The following KLF12 variants were observed in gnomAD, a reference collection of about 807,000 sequenced individuals.
KLF12 encodes the protein KLF transcription factor 12.
KLF12 carries 9 observed loss-of-function variants against 37.8 expected under a neutral mutation model. The ratio of observed to expected loss-of-function variants is 0.24; its 90% confidence interval spans 0.14 to 0.42. The LOEUF (loss-of-function observed/expected upper bound fraction) is 0.42, where lower values mean the gene tolerates loss of function less well. Among genes scored for constraint, KLF12 ranks in the 10% least tolerant of loss-of-function variants. The pLI is 1.00. For synonymous variants in KLF12, 208 were observed against 202.1 expected (o/e 1.03, Z -0.25); for missense variants, 411 against 516.0 (o/e 0.80, Z 1.97).
At chr13:74,241,568 T>G in the KLF12 span, among the ~76,000 whole-genome samples, 3 of 152,218 alleles carry the variant, frequency 2.0e-5, no homozygotes, top group Admixed American at 6.5e-5. Context: ...GCCTTGCAGT[T>G]TGATCTCAGA....
intron 6 of KLF12, among the ~76,000 whole-genome samples, chr13:73,738,097 A>ATT (rs1877616068): frequency 1.2e-5 from 1 of 81,222 alleles, no homozygotes; most frequent in Non-Finnish European, 2.5e-5. Flanking sequence ...GTGTACATAT[A>ATT]TATATATATA....
intron 3 of KLF12, among the ~76,000 whole-genome samples, chr13:73,943,540 G>A (rs767281647): frequency 4.6e-5 from 7 of 152,160 alleles, no homozygotes; most frequent in Non-Finnish European, 7.3e-5. Flanking sequence ...GTAAGAAAGG[G>A]CAAGTACAAA....
At chr13:73,776,185 T>C (rs1275305121) in intron 5 of KLF12, among the ~76,000 whole-genome samples, 1 of 152,182 alleles carries the variant, frequency 6.6e-6, no homozygotes, top group Non-Finnish European at 1.5e-5. Flanking sequence ...AGTCTCAGTT[T>C]GTTTTTCTTT....
the KLF12 span, among the ~76,000 whole-genome samples, chr13:74,220,959 A>G: frequency 6.6e-6 from 1 of 151,030 alleles, no homozygotes; most frequent in Admixed American, 6.6e-5. Flanking sequence ...CTAGCCTGCC[A>G]TTTATGAAAA....
chr13:73,977,745 G>A (rs1891571931), intron 2 of KLF12, among the ~76,000 whole-genome samples: 1 of 152,184 alleles, frequency 6.6e-6, no homozygotes, highest in Non-Finnish European at 1.5e-5. Flanking sequence ...TAATAATCAG[G>A]ACAGTCTGGT....
intron 1 of KLF12, among the ~76,000 whole-genome samples, chr13:74,033,823 G>C (rs545427735): frequency 6.6e-6 from 1 of 151,966 alleles, no homozygotes; most frequent in African/African-American, 2.4e-5. Context: ...CTGGGTCATA[G>C]GGTAATCAGA....
At chr13:74,005,507 G>A (rs2138334322) in intron 1 of KLF12, among the ~76,000 whole-genome samples, 1 of 152,308 alleles carries the variant, frequency 6.6e-6, no homozygotes, top group South Asian at 2.1e-4. Flanking sequence ...TCAAATCTGT[G>A]AACAGTAGGC....
At chr13:73,723,572 C>T (rs75049912) in intron 6 of KLF12, among the ~76,000 whole-genome samples, 11,149 of 152,076 alleles carry the variant, frequency 0.073, 703 homozygotes, top group African/African-American at 0.17. Flanking sequence ...TAAGCCCTGC[C>T]CTCCTCATTC....
chr13:73,814,100 G>A (rs1352083039), intron 4 of KLF12, among the ~76,000 whole-genome samples: 1 of 152,166 alleles, frequency 6.6e-6, no homozygotes, highest in African/African-American at 2.4e-5. Context: ...CCTTCTCCCT[G>A]TGAAGAGATT....
upstream of KLF12, among the ~76,000 whole-genome samples, chr13:74,136,955 G>A (rs935026517): frequency 6.6e-6 from 1 of 152,160 alleles, no homozygotes; most frequent in Non-Finnish European, 1.5e-5. Flanking sequence ...CTTGGGGTGC[G>A]TGTAAAAGAG....
chr13:73,908,175 G>C (rs1037988346), intron 3 of KLF12, among the ~76,000 whole-genome samples: 7 of 151,986 alleles, frequency 4.6e-5, no homozygotes, highest in Non-Finnish European at 7.4e-5. Context: ...GGCCGAGGTG[G>C]GTGGATCACG....
At chr13:73,963,914 A>C (rs1294274395) in intron 2 of KLF12, among the ~76,000 whole-genome samples, 2 of 152,242 alleles carry the variant, frequency 1.3e-5, no homozygotes, top group Non-Finnish European at 2.9e-5. Context: ...AAGAACTGGC[A>C]AAAAGATTGT....
chr13:74,008,080 T>C (rs539845232), intron 1 of KLF12, among the ~76,000 whole-genome samples: 1 of 152,336 alleles, frequency 6.6e-6, no homozygotes, highest in East Asian at 1.9e-4. Context: ...TGTTTTAATA[T>C]TTTATCTGGG....
chr13:73,771,739 T>C (rs1024335743), intron 5 of KLF12, among the ~76,000 whole-genome samples: 4 of 152,174 alleles, frequency 2.6e-5, no homozygotes, highest in South Asian at 4.1e-4. Context: ...CAAAATAAGA[T>C]AGGAAAATTA....
the KLF12 span, among the ~76,000 whole-genome samples, chr13:74,155,971 G>A: frequency 2.9e-4 from 44 of 152,082 alleles, no homozygotes; most frequent in African/African-American, 1.0e-3. Flanking sequence ...CAGTGTTTCC[G>A]CATGGCCTGT....
At chr13:74,251,116 G>T in the KLF12 span, among the ~76,000 whole-genome samples, 1 of 152,162 alleles carries the variant, frequency 6.6e-6, no homozygotes, top group East Asian at 1.9e-4. Context: ...TATGAATCTC[G>T]TGAACTCATT....
intron 5 of KLF12, among the ~76,000 whole-genome samples, chr13:73,811,012 G>A (rs548702995): frequency 7.4e-4 from 27 of 36,314 alleles, no homozygotes; most frequent in African/African-American, 1.9e-3. Context: ...TTTTTTAGGA[G>A]TCTCACTCTG....
chr13:73,760,106 G>A (rs1356160346), intron 6 of KLF12, among the ~76,000 whole-genome samples: 1 of 151,978 alleles, frequency 6.6e-6, no homozygotes, highest in African/African-American at 2.4e-5. Context: ...TTGTGACACA[G>A]AACTTTTTCA....
At chr13:74,244,906 G>T in the KLF12 span, among the ~76,000 whole-genome samples, 1 of 152,164 alleles carries the variant, frequency 6.6e-6, no homozygotes, top group Non-Finnish European at 1.5e-5. Flanking sequence ...GGGAACCACT[G>T]GTGGATTTTA....
Sources: allele counts gnomAD v4.1 joint callset (sites outside exome capture counted in the v4.1 genomes callset), GRCh38; gene constraint gnomAD v4.1.1; transcripts MANE v1.5; gene names NCBI Gene and HGNC (gene_info 2026-07-23, HGNC 2026-07-21).